CLVS1: variants seen among roughly 807,000 people sequenced by gnomAD.
CLVS1 encodes clavesin-1.
Under a neutral mutation model 33.1 loss-of-function variants are expected in CLVS1, and 10 were observed. The observed-to-expected ratio is 0.30, with a 90% CI of 0.19 to 0.51. The LOEUF (loss-of-function observed/expected upper bound fraction) is 0.51, where lower values mean the gene tolerates loss of function less well. Among genes scored for constraint, CLVS1 ranks in the 20% least tolerant of loss-of-function variants. The pLI is 0.97. For missense variants in CLVS1, 343 were observed against 433.4 expected, an observed-to-expected ratio of 0.79 and a Z score of 1.85; for synonymous variants, 163 against 166.1, an observed-to-expected ratio of 0.98 and a Z score of 0.14.
chr8:61,375,870 A>T (rs988625381), intron 2 of CLVS1, among the ~76,000 whole-genome samples: 1 of 152,190 alleles, frequency 6.6e-6, no homozygotes, highest in African/African-American at 2.4e-5. Flanking sequence ...TAAAACAAAA[A>T]TCACGTGGCA....
intron 2 of CLVS1, among the ~76,000 whole-genome samples, chr8:61,280,061 AAG>A (rs1338033265): frequency 1.3e-5 from 2 of 152,296 alleles, no homozygotes; most frequent in South Asian, 2.1e-4. Context: ...ATAGGGGTAA[AAG>A]AGTACATTTT....
At chr8:61,259,991 T>G (rs998850326) in intron 2 of CLVS1, among the ~76,000 whole-genome samples, 3 of 152,314 alleles carry the variant, frequency 2.0e-5, no homozygotes, top group Non-Finnish European at 2.9e-5. Context: ...GCCCGCTGAT[T>G]GCTCCCTTCA....
At chr8:61,073,406 G>A (rs551364251) in intron 1 of CLVS1, among the ~76,000 whole-genome samples, 1 of 152,064 alleles carries the variant, frequency 6.6e-6, no homozygotes, top group Non-Finnish European at 1.5e-5. Flanking sequence ...CATTTTAAAC[G>A]CATGGAGATA....
At chr8:61,129,916 G>C (rs1806055797) in intron 1 of CLVS1, among the ~76,000 whole-genome samples, 1 of 152,166 alleles carries the variant, frequency 6.6e-6, no homozygotes, top group African/African-American at 2.4e-5. Flanking sequence ...GGCATGCCTT[G>C]TTTCTGTAAT....
chr8:61,433,104 C>A (rs1316113138), intron 3 of CLVS1, among the ~76,000 whole-genome samples: 1 of 152,140 alleles, frequency 6.6e-6, no homozygotes, highest in Non-Finnish European at 1.5e-5. Flanking sequence ...TAGGCACATG[C>A]CACCACACCT....
At chr8:61,074,752 T>A (rs966499061) in intron 1 of CLVS1, among the ~76,000 whole-genome samples, 2 of 152,036 alleles carry the variant, frequency 1.3e-5, no homozygotes, top group Non-Finnish European at 2.9e-5. Context: ...GTGGGGGCAG[T>A]GTAGACAATA....
At chr8:61,259,180 T>C (rs1456215376) in intron 2 of CLVS1, among the ~76,000 whole-genome samples, 1 of 152,202 alleles carries the variant, frequency 6.6e-6, no homozygotes, top group Non-Finnish European at 1.5e-5. Context: ...ATCTAAAAAA[T>C]GAAATACAAT....
intron 3 of CLVS1, among the ~76,000 whole-genome samples, chr8:61,430,311 G>T (rs184459885): frequency 9.5e-4 from 145 of 152,316 alleles, no homozygotes; most frequent in African/African-American, 3.2e-3. Context: ...TGTGGTAGTT[G>T]TATGATTTAG....
Position 61,086,035 on chromosome 8 carries a change from CAAAAAAAAAAAAAAAAAAAAAAAAA to C in CLVS1, c.-243+28823_-243+28847del, listed in dbSNP as rs4033854. ...TGGGCGACAGAGCGAGACTCCCTCT[CAAAAAAAAAAAAAAAAAAAAAAAAA>C]AAAAAAAAAAAAAAAAATTAGCTTG... is the stretch of plus-strand genomic sequence containing the variant. On this transcript the variant is annotated intron_variant, in intron 1 of 2. Transcript: ENST00000522621. 7.1e-3 allele frequency among the ~76,000 whole-genome samples: 223 copies of C among 31,248 alleles called. 3 individuals are homozygous for C. Among genetic ancestry groups the C allele is most frequent in the South Asian group, 9.6e-3 (5 of 522 alleles). 20.5% of individuals were successfully genotyped at this position (31,248 alleles called of 152,430 possible).
At chr8:61,198,563 A>G (rs1161987007) in intron 2 of CLVS1, among the ~76,000 whole-genome samples, 1 of 152,160 alleles carries the variant, frequency 6.6e-6, no homozygotes, top group Non-Finnish European at 1.5e-5. Context: ...TATTTTTAGT[A>G]GAGATGGTGT....
intron 2 of CLVS1, among the ~76,000 whole-genome samples, chr8:61,144,579 G>GGATT (rs971780408): frequency 5.5e-4 from 83 of 152,174 alleles, no homozygotes; most frequent in African/African-American, 2.0e-3. Context: ...CCCAGTAATG[G>GGATT]GATTTCTGGG....
intron 2 of CLVS1, among the ~76,000 whole-genome samples, chr8:61,201,974 G>T (rs112494328): frequency 6.6e-6 from 1 of 152,148 alleles, no homozygotes; most frequent in South Asian, 2.1e-4. Context: ...TCCATCGGCT[G>T]GAATGGGATC....
intron 3 of CLVS1, among the ~76,000 whole-genome samples, chr8:61,440,975 T>C (rs1265595617): frequency 6.6e-6 from 1 of 152,250 alleles, no homozygotes; most frequent in Non-Finnish European, 1.5e-5. Flanking sequence ...ATTTGGTGTG[T>C]AACTGCTATT....
chr8:61,177,257 T>C (rs1428818311), intron 2 of CLVS1, among the ~76,000 whole-genome samples: 1 of 152,046 alleles, frequency 6.6e-6, no homozygotes, highest in East Asian at 1.9e-4. Context: ...CACTGGCCCA[T>C]TTCTCCTCAC....
intron 1 of CLVS1, among the ~76,000 whole-genome samples, chr8:61,292,743 T>C (rs1810041433): frequency 6.6e-6 from 1 of 152,192 alleles, no homozygotes; most frequent in South Asian, 2.1e-4. Context: ...TAACTTTGTT[T>C]AAGATACATT....
chr8:61,054,990 G>T (rs938709562), upstream of CLVS1, among the ~76,000 whole-genome samples: 3 of 152,032 alleles, frequency 2.0e-5, no homozygotes, highest in Non-Finnish European at 4.4e-5. Flanking sequence ...GGTTTCTTTT[G>T]TTGTTGGAGA....
At chr8:61,311,980 C>T (rs1175140345) in intron 2 of CLVS1, among the ~76,000 whole-genome samples, 1 of 152,222 alleles carries the variant, frequency 6.6e-6, no homozygotes, top group Non-Finnish European at 1.5e-5. Context: ...CTGTATGCTA[C>T]ATTCACTGTT....
At chr8:61,403,550 C>G (rs554064772) in intron 3 of CLVS1, among the ~76,000 whole-genome samples, 1 of 151,904 alleles carries the variant, frequency 6.6e-6, no homozygotes, top group African/African-American at 2.4e-5. Context: ...CAACAAATTC[C>G]GGATATATTT....
At chr8:61,346,871 C>A (rs4033342) in intron 2 of CLVS1, among the ~76,000 whole-genome samples, 1 of 152,186 alleles carries the variant, frequency 6.6e-6, no homozygotes, top group East Asian at 1.9e-4. Context: ...TGTTGCAGAT[C>A]TACTCTGAGG....
Sources: allele counts gnomAD v4.1 joint callset (sites outside exome capture counted in the v4.1 genomes callset), GRCh38; gene constraint gnomAD v4.1.1; transcripts MANE v1.5; gene names NCBI Gene and HGNC (gene_info 2026-07-23, HGNC 2026-07-21).